Variants in COL15A1 observed in about 807,000 individuals in gnomAD.
COL15A1 encodes the protein collagen type XV alpha 1 chain, also known as collagen alpha-1(XV) chain.
A neutral mutation model predicts 165.9 loss-of-function variants in COL15A1; 111 were observed. The observed-to-expected ratio is 0.67, with a 90% CI of 0.57 to 0.78. The LOEUF (loss-of-function observed/expected upper bound fraction) is 0.78, where lower values mean the gene tolerates loss of function less well. Among genes scored for constraint, COL15A1 ranks in the 30% least tolerant of loss-of-function variants. The pLI is 0.00. For synonymous variants in COL15A1, 659 were observed against 674.8 expected (o/e 0.98, Z 0.36); for missense variants, 1,745 against 1,789.7 (o/e 0.98, Z 0.45).
intron 16 of COL15A1, among the ~76,000 whole-genome samples, chr9:99,030,088 G>C (rs777101154): frequency 1.3e-5 from 2 of 152,160 alleles, no homozygotes; most frequent in African/African-American, 4.8e-5. Flanking sequence ...ATCTCCATTA[G>C]GTTCTTTGAG....
At chr9:99,005,090 G>A in intron 9 of COL15A1, 40 bp downstream of exon 9, 1 of 1,539,300 alleles carries the variant, frequency 6.5e-7, no homozygotes, top group Non-Finnish European at 8.7e-7. Flanking sequence ...GGTCATGGTG[G>A]GAGCAGCTCC....
intron 4 of COL15A1, among the ~76,000 whole-genome samples, 150 bp from the exon 5 acceptor site, chr9:98,989,025 CACA>C (rs1838369129): frequency 2.2e-5 from 2 of 92,162 alleles, no homozygotes; most frequent in African/African-American, 8.9e-5. Flanking sequence ...CTCTCATAGA[CACA>C]CACACACACA....
intron 5 of COL15A1, among the ~76,000 whole-genome samples, chr9:98,995,926 C>T (rs1477602119): frequency 1.3e-5 from 2 of 152,126 alleles, no homozygotes; most frequent in African/African-American, 4.8e-5. Flanking sequence ...AGTGAAGCTC[C>T]ATGACTTGCC....
At chr9:98,955,147 G>T (rs2118774506) in intron 2 of COL15A1, among the ~76,000 whole-genome samples, 1 of 152,340 alleles carries the variant, frequency 6.6e-6, no homozygotes, top group Non-Finnish European at 1.5e-5. Flanking sequence ...GACACCAGCA[G>T]GTTTGAAAAT....
intron 10 of COL15A1, 114 bp downstream of exon 10, chr9:99,015,680 T>C: frequency 9.9e-7 from 1 of 1,010,728 alleles, no homozygotes; most frequent in East Asian, 2.6e-5. Context: ...TATGAGCACA[T>C]GTCTGGGTGG....
chr9:98,988,268 A>T (rs1463732647), intron 4 of COL15A1, among the ~76,000 whole-genome samples: 1 of 152,238 alleles, frequency 6.6e-6, no homozygotes, highest in African/African-American at 2.4e-5. Context: ...CCTGTGTTCC[A>T]TGAGCCAGTG....
intron 2 of COL15A1, among the ~76,000 whole-genome samples, chr9:98,981,787 A>G (rs1838239059): frequency 6.6e-6 from 1 of 152,168 alleles, no homozygotes; most frequent in Non-Finnish European, 1.5e-5. Context: ...TGGTGGGCAC[A>G]TACTTGTTCC....
chr9:99,046,596 G>A (rs984983689), intron 26 of COL15A1, among the ~76,000 whole-genome samples: 6 of 152,210 alleles, frequency 3.9e-5, no homozygotes, highest in African/African-American at 1.2e-4. Context: ...CAGGGCAGCA[G>A]GAGAGAGAAT....
intron 4 of COL15A1, 151 bp from the exon 5 acceptor site, chr9:98,989,027 C>CACAT (rs1838369353): frequency 6.7e-5 from 24 of 357,476 alleles, no homozygotes; most frequent in Non-Finnish European, 1.3e-4. Context: ...CTCATAGACA[C>CACAT]ACACACACAC....
Position 99,054,563 on chromosome 9 carries a change from T to C in COL15A1, c.2951-13T>C. 6.3e-7 allele frequency: 1 copy of C among 1,597,104 alleles called. No individual in the cohort carries two copies. ...TTTCCATTTTTTTTTAACATGTATGTGTTTGGTGGCAGGTGTTAAAGGAGA... is the reference window on the plus strand; with the variant it reads ...TTTCCATTTTTTTTTAACATGTATGCGTTTGGTGGCAGGTGTTAAAGGAGA... On this transcript the variant is annotated splice_polypyrimidine_tract_variant and intron_variant, in intron 31 of 41. Coordinates refer to ENST00000375001, the MANE Select transcript of COL15A1 (RefSeq NM_001855.5).
intron 2 of COL15A1, 126 bp from the exon 3 acceptor site, chr9:98,985,439 T>C: frequency 1.0e-6 from 1 of 960,400 alleles, no homozygotes. Flanking sequence ...AAAACAACCA[T>C]TTAGGAACTA....
chr9:99,015,689 G>T, intron 10 of COL15A1, 123 bp downstream of exon 10: 1 of 936,136 alleles, frequency 1.1e-6, no homozygotes, highest in Non-Finnish European at 1.6e-6. Flanking sequence ...ATGTCTGGGT[G>T]GGCAGCTGCT....
At chr9:99,059,833 C>G (rs1825780786) in intron 35 of COL15A1, 56 bp from the exon 36 acceptor site, 1 of 1,600,690 alleles carries the variant, frequency 6.2e-7, no homozygotes, top group Non-Finnish European at 8.5e-7. Context: ...GCTGATACCT[C>G]AGACATTTTT....
intron 3 of COL15A1, 49 bp from the exon 4 acceptor site, chr9:98,987,245 A>G (rs773846670): frequency 6.4e-7 from 1 of 1,551,836 alleles, no homozygotes; most frequent in East Asian, 2.3e-5. Flanking sequence ...ACTGGCAGTC[A>G]TGCTGTGTAC....
intron 11 of COL15A1, among the ~76,000 whole-genome samples, chr9:99,017,792 G>A (rs1345101221): frequency 1.3e-5 from 2 of 152,174 alleles, no homozygotes; most frequent in African/African-American, 4.8e-5. Context: ...GGCACAGATA[G>A]AGCCGGTTCT....
At chr9:98,944,961 T>C (rs1032368122) in intron 2 of COL15A1, among the ~76,000 whole-genome samples, 9 of 152,226 alleles carry the variant, frequency 5.9e-5, no homozygotes, top group African/African-American at 1.7e-4. Flanking sequence ...GAACTGTGGC[T>C]GGCTGAGTGA....
intron 11 of COL15A1, among the ~76,000 whole-genome samples, chr9:99,018,829 A>G (rs150395283): frequency 1.1e-4 from 17 of 152,306 alleles, no homozygotes; most frequent in Non-Finnish European, 2.4e-4. Flanking sequence ...AGAAGGAAAT[A>G]CCCTCTGTAA....
chr9:98,985,545 C>T lies in COL15A1; in HGVS notation c.101-20C>T. 1 of 1,596,700 alleles carries T rather than the reference C, an allele frequency of 6.3e-7. No homozygotes were observed. Among genetic ancestry groups the T allele is most frequent in the Non-Finnish European group, 8.6e-7 (1 of 1,168,458 alleles). ...GTGGAATATACCTGTAAAGCGTGGC[C>T]TCTCTCTCCCTCCCTGCAGAGACTG... is the stretch of plus-strand genomic sequence containing the variant. On this transcript the variant is annotated intron_variant, in intron 2 of 41. Transcript: ENST00000375001.
intron 12 of COL15A1, 85 bp downstream of exon 12, chr9:99,020,527 C>A: frequency 1.1e-6 from 1 of 946,760 alleles, no homozygotes; most frequent in Non-Finnish European, 1.7e-6. Context: ...TTAGCCCACT[C>A]TGATCAAGGG....
Sources: allele counts gnomAD v4.1 joint callset (sites outside exome capture counted in the v4.1 genomes callset), GRCh38; gene constraint gnomAD v4.1.1; transcripts MANE v1.5; gene names NCBI Gene and HGNC (gene_info 2026-07-23, HGNC 2026-07-21).